Variants in RAD51B observed in about 807,000 individuals in gnomAD.
RAD51B encodes the protein RAD51 paralog B.
A neutral mutation model predicts 42.2 loss-of-function variants in RAD51B; 38 were observed. The ratio of observed to expected loss-of-function variants is 0.90; its 90% CI spans 0.70 to 1.18. RAD51B has a LOEUF of 1.18. Among genes scored for constraint, RAD51B ranks in the 50% most tolerant of loss-of-function variants. The pLI, the probability that RAD51B is intolerant of heterozygous loss-of-function variation, is 0.00. For synonymous variants in RAD51B, 154 were observed against 145.2 expected (o/e 1.06, Z -0.43); for missense variants, 373 against 400.7 (o/e 0.93, Z 0.59).
chr14:68,121,391 C>T (rs576278115), intron 7 of RAD51B, among the ~76,000 whole-genome samples: 27 of 152,248 alleles, frequency 1.8e-4, no homozygotes, highest in East Asian at 1.3e-3. Context: ...TTCTAAGAGG[C>T]GTTATTCCTC....
At chr14:68,350,448 ACTG>A (rs1268575395) in intron 8 of RAD51B, among the ~76,000 whole-genome samples, 7 of 152,206 alleles carry the variant, frequency 4.6e-5, no homozygotes, top group Non-Finnish European at 1.0e-4. Flanking sequence ...GAGACACTAA[ACTG>A]CATCTGCATG....
In RAD51B at chr14:68,516,371, G is replaced by C. The variant is rs539492138; in HGVS notation, c.1036+48121G>C. Among the ~76,000 whole-genome samples the C allele has an allele frequency of 4.5e-4, 69 of 152,238 alleles. 2 individuals carry two copies. The highest frequency in any genetic ancestry group is 3.3e-4 in the Admixed American group (5 of 15,288). On this transcript the variant is annotated intron_variant, in intron 10 of 10. Coordinates refer to the RAD51B transcript ENST00000487270. ...TTTTTAAAAAATCCAAGTGAGAAGA[G>C]TGACAGTGTTTTACATTTTTGCAAA... is the stretch of plus-strand genomic sequence containing the variant.
At chr14:68,546,741 G>A (rs144260474) in intron 10 of RAD51B, among the ~76,000 whole-genome samples, 7 of 152,234 alleles carry the variant, frequency 4.6e-5, no homozygotes, top group Admixed American at 6.5e-5. Context: ...TCTGAGAGGC[G>A]GGAGGAGAAG....
chr14:68,093,430 A>C (rs1406970765), intron 7 of RAD51B, among the ~76,000 whole-genome samples: 3 of 152,056 alleles, frequency 2.0e-5, no homozygotes, highest in Non-Finnish European at 4.4e-5. Flanking sequence ...TAGTTTTGGG[A>C]GGGTGTATGT....
intron 9 of RAD51B, among the ~76,000 whole-genome samples, chr14:68,422,484 C>T (rs558808404): frequency 6.9e-5 from 10 of 144,818 alleles, no homozygotes; most frequent in South Asian, 6.6e-4. Context: ...TGCTTGAACC[C>T]GGGAGGTGGA....
At position 68,386,980 on chromosome 14, in the gene RAD51B, A is replaced by G. The variant is rs371942807; in HGVS notation, c.854-24444A>G. ...AGTCTGGACCTAATAGAGTGGAATG[A>G]ACAACAATACTGAAATACCAAACTT... is the stretch of plus-strand genomic sequence containing the variant. On this transcript the variant is annotated intron_variant, in intron 8 of 10. Coordinates refer to ENST00000471583, the MANE Select transcript of RAD51B (RefSeq NM_133510.4). Among the ~76,000 whole-genome samples, 164 of 152,350 alleles carry G rather than the reference A, an allele frequency of 1.1e-3. 5 individuals carry two copies. The highest frequency in any genetic ancestry group is 3.9e-3 in the African/African-American group (161 of 41,580).
intron 5 of RAD51B, among the ~76,000 whole-genome samples, chr14:67,865,631 C>T (rs984660179): frequency 2.7e-5 from 4 of 149,426 alleles, no homozygotes; most frequent in Admixed American, 6.7e-5. Flanking sequence ...CTCCGCCTCC[C>T]GGGTTCAAGC....
chr14:68,673,541 T>C (rs116699672), intron 11 of RAD51B, among the ~76,000 whole-genome samples: 1,899 of 147,802 alleles, frequency 0.013, 38 homozygotes, highest in African/African-American at 0.046. Flanking sequence ...CACATACACA[T>C]ACATATGTAC....
chr14:68,598,008 C>A (rs952858520), downstream of RAD51B, among the ~76,000 whole-genome samples: 1 of 151,938 alleles, frequency 6.6e-6, no homozygotes, highest in South Asian at 2.1e-4. Context: ...AAGTGGGGAC[C>A]AGCTTAGAAA....
At chr14:68,431,086 T>G (rs1289416790) in intron 9 of RAD51B, among the ~76,000 whole-genome samples, 2 of 152,216 alleles carry the variant, frequency 1.3e-5, no homozygotes, top group Non-Finnish European at 2.9e-5. Context: ...CAGCCTTGCA[T>G]CCTAGGGATG....
chr14:67,835,063 A>T lies in RAD51B; in HGVS notation c.199-17A>T, dbSNP rs1479559769. ...TATATAGAGGTTGAAAAAAAACTTA[A>T]TCATTTTCTTGTTTAGGCTTATGGG... On this transcript the variant is annotated splice_polypyrimidine_tract_variant and intron_variant, in intron 3 of 10. Transcript: ENST00000471583. 6.3e-7 allele frequency: 1 copy of T among 1,576,478 alleles called. No homozygotes were observed. The highest frequency in any genetic ancestry group is 1.1e-5 in the South Asian group (1 of 89,026).
chr14:68,010,855 C>A lies in RAD51B; in HGVS notation c.756+123651C>A, dbSNP rs145650458. ...GAATTTATAATAAATAGGGCTTTTTCAATTATACAGTAATGTAGGTTCCAA... is the reference window on the plus strand; with the variant it reads ...GAATTTATAATAAATAGGGCTTTTTAAATTATACAGTAATGTAGGTTCCAA... On this transcript the variant is annotated intron_variant, in intron 7 of 10. Transcript: ENST00000471583. 6.6e-5 allele frequency among the ~76,000 whole-genome samples: 10 copies of A among 151,808 alleles called. No homozygotes were observed. The East Asian group carries it at 1.9e-3, about 29-fold the overall frequency.
chr14:68,207,359 T>A (rs191416464), intron 7 of RAD51B, among the ~76,000 whole-genome samples: 71 of 152,320 alleles, frequency 4.7e-4, no homozygotes, highest in Admixed American at 1.7e-3. Flanking sequence ...CCCAATTCAG[T>A]TTTACATGGC....
intron 8 of RAD51B, among the ~76,000 whole-genome samples, chr14:68,362,544 C>G (rs2083047212): frequency 6.6e-6 from 1 of 152,058 alleles, no homozygotes; most frequent in Admixed American, 6.5e-5. Context: ...GAGTAAGCAC[C>G]AGACCTGAAA....
At chr14:67,825,338 T>C (rs943796630) in intron 2 of RAD51B, 126 bp from the exon 3 acceptor site, 13 of 583,500 alleles carry the variant, frequency 2.2e-5, no homozygotes, top group Non-Finnish European at 3.5e-5. Flanking sequence ...AATGAATGTA[T>C]AAATCTTTGA....
intron 7 of RAD51B, chr14:68,125,341 A>G (rs898580824): frequency 3.2e-4 from 48 of 152,304 alleles, no homozygotes; most frequent in African/African-American, 1.1e-3. Flanking sequence ...TTGTTGCCAG[A>G]TGACTGGACT....
chr14:68,237,701 G>A (rs749728562), intron 7 of RAD51B, among the ~76,000 whole-genome samples: 1 of 149,432 alleles, frequency 6.7e-6, no homozygotes, highest in Non-Finnish European at 1.5e-5. Flanking sequence ...TTTACATGCA[G>A]TGTTTTACAT....
chr14:68,008,381 TA>T (rs2075626382), intron 7 of RAD51B, among the ~76,000 whole-genome samples: 1 of 151,850 alleles, frequency 6.6e-6, no homozygotes, highest in Admixed American at 6.6e-5. Context: ...TAACAATTCA[TA>T]AAAAGCAACA....
chr14:68,536,714 T>A (rs1054800422), intron 10 of RAD51B, among the ~76,000 whole-genome samples: 1 of 152,266 alleles, frequency 6.6e-6, no homozygotes, highest in African/African-American at 2.4e-5. Context: ...GGAAATTTTT[T>A]AGTATTTCCT....
Sources: allele counts gnomAD v4.1 joint callset (sites outside exome capture counted in the v4.1 genomes callset), GRCh38; gene constraint gnomAD v4.1.1; transcripts MANE v1.5; gene names NCBI Gene and HGNC (gene_info 2026-07-23, HGNC 2026-07-21).